DNAH7: variants seen among roughly 807,000 people sequenced by gnomAD.
DNAH7 encodes dynein axonemal heavy chain 7.
DNAH7 carries 397 observed loss-of-function variants against 444.6 expected under a neutral mutation model. The ratio of observed to expected loss-of-function variants is 0.89; its 90% CI spans 0.82 to 0.97. The LOEUF (loss-of-function observed/expected upper bound fraction) is 0.97. Ranked by LOEUF, DNAH7 falls within the 50% of genes least tolerant of loss-of-function variation. The pLI, the probability that DNAH7 is intolerant of heterozygous loss-of-function variation, is 0.00. For missense variants in DNAH7, 4,902 were observed against 4,800.8 expected, an observed-to-expected ratio of 1.02 and a Z score of -0.62; for synonymous variants, 1,636 against 1,624.4, an observed-to-expected ratio of 1.01 and a Z score of -0.17.
chr2:195,798,124 A>AT (rs1696250598), intron 55 of DNAH7, among the ~76,000 whole-genome samples: 1 of 152,062 alleles, frequency 6.6e-6, no homozygotes, highest in Non-Finnish European at 1.5e-5. Context: ...GTCTTCTTAA[A>AT]TTTTTTTCTA....
At chr2:195,969,610 A>G (rs973276598) in intron 17 of DNAH7, among the ~76,000 whole-genome samples, 2 of 152,204 alleles carry the variant, frequency 1.3e-5, no homozygotes, top group Non-Finnish European at 2.9e-5. Context: ...ACCAGGTACT[A>G]TCATTTGCCT....
At chr2:196,052,985 T>C (rs1330497521) in intron 2 of DNAH7, among the ~76,000 whole-genome samples, 4 of 152,208 alleles carry the variant, frequency 2.6e-5, no homozygotes, top group African/African-American at 9.6e-5. Flanking sequence ...ACCTAGTCCA[T>C]AGTCGTGGAA....
intron 46 of DNAH7, among the ~76,000 whole-genome samples, chr2:195,850,254 C>T (rs1184936892): frequency 6.8e-6 from 1 of 147,324 alleles, no homozygotes; most frequent in East Asian, 2.0e-4. Context: ...AGGTGATGAG[C>T]TAGATGGTGG....
intron 63 of DNAH7, among the ~76,000 whole-genome samples, chr2:195,750,974 T>C (rs1039485267): frequency 2.0e-5 from 3 of 152,224 alleles, no homozygotes; most frequent in Non-Finnish European, 4.4e-5. Context: ...CTCATATTTA[T>C]TAGTGTCTTT....
rs760020910 is a variant in DNAH7 at position 196,012,928 on chromosome 2, A to C, written c.870-22T>G. 8.3e-6 allele frequency: 12 copies of C among 1,442,196 alleles called. No homozygotes were observed. In the East Asian group the frequency reaches 3.0e-4, roughly 36 times the overall value. The allele number at this position is 1,442,196 out of a possible 1,614,324, so 89.3% of individuals were successfully genotyped here. ...TTTTCTGCAAAAGATAAAAATAAAC[A>C]GTAATTTAACAATGACTTTTTTGGT... On this transcript the variant is annotated intron_variant, in intron 9 of 64. Transcript: ENST00000312428.
chr2:195,795,657 G>A (rs931093250), intron 56 of DNAH7, among the ~76,000 whole-genome samples: 2 of 152,186 alleles, frequency 1.3e-5, no homozygotes, highest in African/African-American at 4.8e-5. Context: ...TTGGGGGTTT[G>A]AACTTTGTCT....
chr2:195,957,193 G>T (rs1690725599), intron 19 of DNAH7, 68 bp downstream of exon 19: 5 of 1,337,624 alleles, frequency 3.7e-6, no homozygotes, highest in Admixed American at 2.4e-5. Context: ...GGCTTATATG[G>T]ATTTCTGAAA....
chr2:196,025,188 T>C (rs1695607277), intron 7 of DNAH7, among the ~76,000 whole-genome samples: 1 of 152,156 alleles, frequency 6.6e-6, no homozygotes, highest in Non-Finnish European at 1.5e-5. Context: ...ACCAATCTCC[T>C]GTGGATACCA....
chr2:195,854,257 GGAA>G (rs1390573960), intron 45 of DNAH7, among the ~76,000 whole-genome samples: 1 of 151,930 alleles, frequency 6.6e-6, no homozygotes, highest in Non-Finnish European at 1.5e-5. Context: ...CATTATTCTT[GGAA>G]GAAGATGAGA....
chr2:196,043,562 T>A (rs1482472285), intron 5 of DNAH7, among the ~76,000 whole-genome samples: 1 of 152,048 alleles, frequency 6.6e-6, no homozygotes, highest in Non-Finnish European at 1.5e-5. Context: ...GATAAATAGA[T>A]GGGACCTAAT....
chr2:195,858,091 A>G (rs1190779511), intron 43 of DNAH7, among the ~76,000 whole-genome samples: 2 of 152,194 alleles, frequency 1.3e-5, no homozygotes, highest in Non-Finnish European at 2.9e-5. Context: ...TTAATACTTT[A>G]TCACATGCTC....
chr2:195,959,888 TCA>T (rs936902055), intron 18 of DNAH7, among the ~76,000 whole-genome samples: 5 of 152,230 alleles, frequency 3.3e-5, no homozygotes, highest in Non-Finnish European at 5.9e-5. Context: ...TATCTTCCGT[TCA>T]CAGATACAAA....
intron 1 of DNAH7, 79 bp downstream of exon 1, chr2:196,068,618 A>G: frequency 6.5e-7 from 1 of 1,539,206 alleles, no homozygotes; most frequent in Non-Finnish European, 8.8e-7. Context: ...TTCGCTAGGC[A>G]GGAGGGGCTT....
rs370262343 is a variant in DNAH7 at position 196,051,253 on chromosome 2, T to C, written c.79-4A>G. ...TTTCTTTGCTGGCTAATTTCTCCTG[T>C]GTGAAAAATATGAAGGGGAAAAAAG... On this transcript the variant is annotated splice_region_variant and splice_polypyrimidine_tract_variant and intron_variant, in intron 2 of 64. Transcript: ENST00000312428. 23 of 1,613,498 alleles carry C rather than the reference T, an allele frequency of 1.4e-5. No individual in the cohort carries two copies. The African/African-American group carries it at 2.0e-4, about 14-fold the overall frequency.
chr2:195,988,338 A>G (rs1217350137), intron 12 of DNAH7, 109 bp from the exon 13 acceptor site: 1 of 1,038,424 alleles, frequency 9.6e-7, no homozygotes, highest in East Asian at 2.8e-5. Flanking sequence ...TTTATTCACA[A>G]GGTTGTTTTA....
chr2:195,915,365 G>C, intron 24 of DNAH7, among the ~76,000 whole-genome samples: 1 of 152,180 alleles, frequency 6.6e-6, no homozygotes. Context: ...AAGAGACTGT[G>C]TGCACAGGTA....
At chr2:195,957,749 T>C (rs910814287) in intron 18 of DNAH7, among the ~76,000 whole-genome samples, 2 of 152,104 alleles carry the variant, frequency 1.3e-5, no homozygotes, top group African/African-American at 4.8e-5. Flanking sequence ...ACAAAATATG[T>C]TTAAAGATAA....
At chr2:196,052,799 G>C (rs549644298) in intron 2 of DNAH7, among the ~76,000 whole-genome samples, 19 of 152,340 alleles carry the variant, frequency 1.2e-4, no homozygotes, top group Admixed American at 4.6e-4. Context: ...GGACAGCAAA[G>C]AGCTTACTGA....
At chr2:196,043,042 C>A (rs547816718) in intron 5 of DNAH7, among the ~76,000 whole-genome samples, 2 of 151,970 alleles carry the variant, frequency 1.3e-5, no homozygotes, top group African/African-American at 2.4e-5. Flanking sequence ...TAGCGATTAC[C>A]TGGGGCAACC....
Sources: allele counts gnomAD v4.1 joint callset (sites outside exome capture counted in the v4.1 genomes callset), GRCh38; gene constraint gnomAD v4.1.1; transcripts MANE v1.5; gene names NCBI Gene and HGNC (gene_info 2026-07-23, HGNC 2026-07-21).